Variants in SCN8A observed in about 807,000 individuals in gnomAD.
SCN8A encodes the protein sodium channel protein type 8 subunit alpha.
A neutral mutation model predicts 184.1 loss-of-function variants in SCN8A; 30 were observed. The observed-to-expected ratio is 0.16, with a 90% CI of 0.12 to 0.22. The LOEUF (loss-of-function observed/expected upper bound fraction) is 0.22, where lower values mean the gene tolerates loss of function less well. SCN8A is among the 10% of genes least tolerant of loss of function. The pLI, the probability that SCN8A is intolerant of heterozygous loss-of-function variation, is 1.00. For missense variants in SCN8A, 1,057 were observed against 2,498.9 expected, an observed-to-expected ratio of 0.42 and a Z score of 12.30; for synonymous variants, 852 against 907.0, an observed-to-expected ratio of 0.94 and a Z score of 1.09.
chr12:51,603,453 A>G (rs191140202), intron 1 of SCN8A, among the ~76,000 whole-genome samples: 39 of 152,310 alleles, frequency 2.6e-4, no homozygotes, highest in African/African-American at 7.9e-4. Flanking sequence ...AACATTTGGA[A>G]TATGTCCAGT....
chr12:51,593,962 C>T (rs1387800952), intron 1 of SCN8A, among the ~76,000 whole-genome samples: 2 of 152,166 alleles, frequency 1.3e-5, no homozygotes, highest in African/African-American at 4.8e-5. Flanking sequence ...AGGAAGTAAT[C>T]CGATAGCTGG....
chr12:51,702,637 T>C (rs1644250223), intron 8 of SCN8A, 136 bp from the exon 9 acceptor site: 2 of 674,350 alleles, frequency 3.0e-6, no homozygotes, highest in South Asian at 5.6e-5. Context: ...TTCTAATTTG[T>C]TGGCCTGGCT....
intron 20 of SCN8A, 77 bp downstream of exon 20, chr12:51,774,439 G>GCTACTGCCAT: frequency 7.1e-7 from 1 of 1,403,892 alleles, no homozygotes; most frequent in Non-Finnish European, 9.7e-7. Context: ...TCTAATGGCA[G>GCTACTGCCAT]TAGCTGCCCT....
chr12:51,670,391 A>G (rs1941110238), intron 2 of SCN8A, among the ~76,000 whole-genome samples: 1 of 152,218 alleles, frequency 6.6e-6, no homozygotes, highest in Admixed American at 6.5e-5. Flanking sequence ...GCTAACAGCT[A>G]ACATGTCACT....
At chr12:51,743,151 G>A (rs1942454838) in intron 12 of SCN8A, among the ~76,000 whole-genome samples, 1 of 152,062 alleles carries the variant, frequency 6.6e-6, no homozygotes, top group Non-Finnish European at 1.5e-5. Flanking sequence ...CATCAATATA[G>A]TTCTTTTGAA....
chr12:51,721,395 A>G, intron 11 of SCN8A, 151 bp from the exon 12 acceptor site: 1 of 787,362 alleles, frequency 1.3e-6, no homozygotes, highest in Non-Finnish European at 2.0e-6. Flanking sequence ...AGCAGTCAAC[A>G]TGCAGAAGTG....
chr12:51,623,266 A>G (rs1940002683), intron 1 of SCN8A, among the ~76,000 whole-genome samples: 2 of 152,216 alleles, frequency 1.3e-5, no homozygotes, highest in African/African-American at 4.8e-5. Flanking sequence ...TAACCCATGT[A>G]TATATACATA....
chr12:51,794,296 A>G, intron 25 of SCN8A, 75 bp from the exon 26 acceptor site: 4 of 1,450,418 alleles, frequency 2.8e-6, no homozygotes, highest in Non-Finnish European at 3.8e-6. Context: ...CTCGATTAGC[A>G]GGGTGACAGC....
chr12:51,758,984 ATGTG>A (rs199584412), intron 14 of SCN8A, among the ~76,000 whole-genome samples: 3 of 149,988 alleles, frequency 2.0e-5, no homozygotes, highest in African/African-American at 7.4e-5. Flanking sequence ...ATGTATGTAT[ATGTG>A]TGTGTGTGTG....
At chr12:51,716,990 C>G (rs1409840187) in intron 11 of SCN8A, among the ~76,000 whole-genome samples, 9 of 152,174 alleles carry the variant, frequency 5.9e-5, no homozygotes, top group African/African-American at 1.7e-4. Flanking sequence ...CAAAATTATT[C>G]AAACTCCCCA....
intron 1 of SCN8A, among the ~76,000 whole-genome samples, chr12:51,594,420 T>G (rs1432090098): frequency 6.6e-6 from 1 of 152,098 alleles, no homozygotes; most frequent in Non-Finnish European, 1.5e-5. Flanking sequence ...TTGAAAAGAA[T>G]GCAAAAATAG....
chr12:51,736,438 A>G (rs1291508138), intron 12 of SCN8A, among the ~76,000 whole-genome samples: 2 of 152,096 alleles, frequency 1.3e-5, no homozygotes, highest in African/African-American at 4.8e-5. Flanking sequence ...TCGAGGGTTA[A>G]CTCCTCCTGT....
intron 1 of SCN8A, among the ~76,000 whole-genome samples, chr12:51,606,826 T>C (rs1288443617): frequency 1.0e-5 from 1 of 95,726 alleles, no homozygotes; most frequent in Non-Finnish European, 2.3e-5. Flanking sequence ...TATTCCTAAG[T>C]ATTTTATTTT....
intron 6 of SCN8A, among the ~76,000 whole-genome samples, chr12:51,698,145 C>T (rs962443268): frequency 1.3e-5 from 2 of 152,204 alleles, no homozygotes; most frequent in African/African-American, 2.4e-5. Context: ...TGACCTACTG[C>T]TCCCAGCTGC....
At chr12:51,748,700 A>T (rs1479536778) in intron 13 of SCN8A, among the ~76,000 whole-genome samples, 2 of 152,180 alleles carry the variant, frequency 1.3e-5, no homozygotes, top group Non-Finnish European at 2.9e-5. Flanking sequence ...TGCTGCCACT[A>T]TTTATGTATT....
intron 6 of SCN8A, among the ~76,000 whole-genome samples, chr12:51,697,450 T>C (rs911103071): frequency 2.6e-5 from 4 of 152,194 alleles, no homozygotes; most frequent in Admixed American, 6.5e-5. Flanking sequence ...CCATTTCTAT[T>C]ATTGGACTCA....
chr12:51,697,993 A>G (rs148838663), intron 6 of SCN8A, among the ~76,000 whole-genome samples: 3,188 of 152,290 alleles, frequency 0.021, 67 homozygotes, highest in Non-Finnish European at 0.024. Flanking sequence ...AGCTGGGATT[A>G]CAGGCGTATG....
At position 51,721,743 on chromosome 12, in the gene SCN8A, GAGCAGCTAC is replaced by G. The variant is rs1942067937; in HGVS notation, c.1837_1845del (p.Ser613_Ser615del). 1.2e-6 allele frequency: 2 copies of G among 1,607,238 alleles called. No individual in the cohort carries two copies. Among genetic ancestry groups the G allele is most frequent in the Non-Finnish European group, 1.7e-6 (2 of 1,177,002 alleles). Reference sequence around the variant, plus strand: ...TCCCCATCCGGGCCCGCGAGCGCCGGAGCAGCTACAGCGGCTACAGCGGCTACAGCCAGG... The same window carrying G: ...TCCCCATCCGGGCCCGCGAGCGCCGGAGCGGCTACAGCGGCTACAGCCAGG... On this transcript the variant is annotated inframe_deletion, in exon 12 of 27. Transcript: ENST00000627620.
rs1942776869 is a variant in SCN8A, at chr12:51,762,488, C to T, written c.2371-15C>T. The T allele has an allele frequency of 1.2e-6, 2 of 1,611,182 alleles. No homozygotes were observed. Among genetic ancestry groups the T allele is most frequent in the South Asian group, 2.2e-5 (2 of 90,612 alleles). ...TACTATTTATTTTTCTTACCCCCTG[C>T]ATCCCCCTATTTAGGTTTTCACTGG... On this transcript the variant is annotated splice_polypyrimidine_tract_variant and intron_variant, in intron 14 of 26. Transcript: ENST00000627620.
Sources: allele counts gnomAD v4.1 joint callset (sites outside exome capture counted in the v4.1 genomes callset), GRCh38; gene constraint gnomAD v4.1.1; transcripts MANE v1.5; gene names NCBI Gene and HGNC (gene_info 2026-07-23, HGNC 2026-07-21).